The following MAP3K5 variants were observed in gnomAD, a reference collection of about 807,000 sequenced individuals.
The protein encoded by MAP3K5 is mitogen-activated protein kinase kinase kinase 5.
In MAP3K5, 56 loss-of-function variants were observed where a neutral mutation model predicts 158.7. The ratio of observed to expected loss-of-function variants is 0.35; its 90% CI spans 0.28 to 0.44. The LOEUF is 0.44. Among genes scored for constraint, MAP3K5 ranks in the 20% least tolerant of loss-of-function variants. The pLI is 1.00. For missense variants in MAP3K5, 1,294 were observed against 1,674.8 expected, an observed-to-expected ratio of 0.77 and a Z score of 3.97; for synonymous variants, 579 against 601.7, an observed-to-expected ratio of 0.96 and a Z score of 0.55.
At chr6:136,679,496 A>C (rs986591941) in intron 7 of MAP3K5, among the ~76,000 whole-genome samples, 5 of 152,230 alleles carry the variant, frequency 3.3e-5, no homozygotes, top group African/African-American at 1.2e-4. Flanking sequence ...TCAGAAACAA[A>C]GCAGGACAGC....
At chr6:136,686,146 C>A (rs76458711) in intron 7 of MAP3K5, among the ~76,000 whole-genome samples, 6,621 of 152,244 alleles carry the variant, frequency 0.043, 210 homozygotes, top group Non-Finnish European at 0.065. Flanking sequence ...GATAGGTCCT[C>A]TACAGTAAAA....
chr6:136,616,431 A>G (rs1776568113), intron 15 of MAP3K5, among the ~76,000 whole-genome samples: 1 of 151,210 alleles, frequency 6.6e-6, no homozygotes, highest in South Asian at 2.1e-4. Context: ...CAGCCTCCCA[A>G]GTAGCTGGGA....
At chr6:136,653,513 G>A (rs1276401271) in intron 10 of MAP3K5, among the ~76,000 whole-genome samples, 8 of 152,284 alleles carry the variant, frequency 5.3e-5, no homozygotes, top group Admixed American at 2.0e-4. Flanking sequence ...AAGGTGCAGC[G>A]ACCAAGATCG....
chr6:136,682,421 CTTTA>C (rs1202607178), intron 7 of MAP3K5, among the ~76,000 whole-genome samples: 2 of 152,202 alleles, frequency 1.3e-5, no homozygotes, highest in Admixed American at 6.5e-5. Context: ...TGACATTGGT[CTTTA>C]TTTGTCTGTT....
chr6:136,656,371 A>G lies in MAP3K5; in HGVS notation c.1616T>C (p.Val539Ala). 3 of 1,613,948 alleles carry G rather than the reference A, an allele frequency of 1.9e-6. No homozygotes were observed. The South Asian group carries it at 3.3e-5, about 18-fold the overall frequency. Residue 539 changes from valine (V) to alanine (A), a missense_variant, in exon 10 of 30, where the codon GTG (valine) becomes GCG (alanine). Val to Ala is a moderately conservative substitution (Grantham distance 64, BLOSUM62 0). Coordinates refer to ENST00000359015, the MANE Select transcript of MAP3K5 (RefSeq NM_005923.4). ...GACCAGGAAATCCATCCAAAAGTCC[A>G]CAAGTTCTTGCTTGGCCACAGGCTG... ...TEQPVAKQELVDFWMDFLVEA... is the reference protein window; with the variant it reads ...TEQPVAKQELADFWMDFLVEA...
intron 15 of MAP3K5, 86 bp from the exon 16 acceptor site, chr6:136,614,372 C>T: frequency 6.8e-7 from 1 of 1,460,314 alleles, no homozygotes; most frequent in Middle Eastern, 1.8e-4. Context: ...AAAATGTCAG[C>T]CAAATATATG....
In MAP3K5 at chr6:136,601,022, C is replaced by A; in HGVS notation, c.2878G>T (p.Glu960Ter). 1 of 1,613,858 alleles carries A rather than the reference C, an allele frequency of 6.2e-7. No homozygotes were observed. Among genetic ancestry groups the A allele is most frequent in the East Asian group, 2.2e-5 (1 of 44,866 alleles). ...ATGGGCAAAGTAAAAACAAACTCAC[C>A]ATTTGATCCAGCTGAAAGAGCTGTG... ...KLSALSAGSN[E>*]YLRSISLPVP... The change falls in exon 21 of 30, where the codon GAA becomes TAA. Residue 960 changes from glutamate (E) to a stop codon, truncating the protein, a stop_gained and splice_region_variant. Coordinates refer to ENST00000359015, the MANE Select transcript of MAP3K5 (RefSeq NM_005923.4). LOFTEE classifies it high-confidence loss of function.
At chr6:136,750,916 A>AT (rs1783178650) in intron 1 of MAP3K5, among the ~76,000 whole-genome samples, 1 of 152,162 alleles carries the variant, frequency 6.6e-6, no homozygotes, top group African/African-American at 2.4e-5. Context: ...TTCTTCAGAA[A>AT]TTTTTTCTGA....
intron 6 of MAP3K5, among the ~76,000 whole-genome samples, chr6:136,695,750 G>T (rs879840997): frequency 6.6e-6 from 1 of 152,128 alleles, no homozygotes; most frequent in East Asian, 1.9e-4. Context: ...AACAGTGTGC[G>T]ACTTTTTTTT....
At chr6:136,643,501 C>T (rs1778091158) in intron 11 of MAP3K5, among the ~76,000 whole-genome samples, 1 of 152,200 alleles carries the variant, frequency 6.6e-6, no homozygotes, top group Non-Finnish European at 1.5e-5. Flanking sequence ...TGAGGTCTTG[C>T]CTGGGCTAAT....
chr6:136,602,026 C>CTGAGT, intron 19 of MAP3K5, 47 bp from the exon 20 acceptor site: 2 of 1,504,410 alleles, frequency 1.3e-6, no homozygotes, highest in East Asian at 2.3e-5. Flanking sequence ...GAGTGAACAT[C>CTGAGT]TCAGCACCTG....
intron 8 of MAP3K5, 109 bp from the exon 9 acceptor site, chr6:136,659,487 C>G (rs1010050195): frequency 2.3e-4 from 232 of 1,030,134 alleles, no homozygotes; most frequent in Middle Eastern, 3.2e-4. Context: ...CAGATTAAAA[C>G]AGCTTTGTTA....
At chr6:136,656,083 C>G (rs1778732274) in intron 10 of MAP3K5, 1 of 485,868 alleles carries the variant, frequency 2.1e-6, no homozygotes, top group Non-Finnish European at 3.7e-6. Flanking sequence ...AGGAACCACC[C>G]AAATTCCATG....
chr6:136,642,786 G>A (rs1778046863), intron 11 of MAP3K5, among the ~76,000 whole-genome samples: 1 of 152,000 alleles, frequency 6.6e-6, no homozygotes, highest in Non-Finnish European at 1.5e-5. Context: ...CAATAAAACA[G>A]CTTCCAAAAG....
At chr6:136,660,147 C>G (rs1042051218) in intron 8 of MAP3K5, among the ~76,000 whole-genome samples, 2 of 152,042 alleles carry the variant, frequency 1.3e-5, no homozygotes, top group Non-Finnish European at 2.9e-5. Flanking sequence ...ACCTTTTTTA[C>G]GCTGAAATTC....
intron 15 of MAP3K5, among the ~76,000 whole-genome samples, chr6:136,619,407 G>A (rs553916125): frequency 1.2e-4 from 18 of 152,294 alleles, no homozygotes; most frequent in African/African-American, 3.9e-4. Flanking sequence ...CAGTAGTGAC[G>A]TGATGTGATT....
chr6:136,781,733 A>G (rs2115040748), intron 1 of MAP3K5, among the ~76,000 whole-genome samples: 1 of 152,362 alleles, frequency 6.6e-6, no homozygotes, highest in Non-Finnish European at 1.5e-5. Flanking sequence ...TGATACTATC[A>G]TTCTGACCCA....
chr6:136,580,949 G>A (rs1774847830), intron 24 of MAP3K5, among the ~76,000 whole-genome samples: 2 of 152,040 alleles, frequency 1.3e-5, no homozygotes, highest in African/African-American at 4.8e-5. Flanking sequence ...CAAAGTGCTG[G>A]CATTGCAGAC....
At chr6:136,660,179 A>C (rs1778943267) in intron 8 of MAP3K5, among the ~76,000 whole-genome samples, 1 of 152,226 alleles carries the variant, frequency 6.6e-6, no homozygotes. Context: ...GTATAAATGC[A>C]TACAGTATAT....
Sources: gnomAD v4.1 joint callset for allele counts (sites outside exome capture counted in the v4.1 genomes callset) on GRCh38, gnomAD v4.1.1 for gene constraint, MANE v1.5 for transcripts, NCBI Gene and HGNC (gene_info 2026-07-23, HGNC 2026-07-21) for gene names.